Variants in PAPPA2 observed in about 807,000 individuals in gnomAD.
PAPPA2 encodes the protein pappalysin 2.
PAPPA2 carries 86 observed loss-of-function variants against 176.4 expected under a neutral mutation model. The observed-to-expected ratio is 0.49, with a 90% CI of 0.41 to 0.58. The LOEUF (loss-of-function observed/expected upper bound fraction) is 0.58. Ranked by LOEUF, PAPPA2 falls within the 20% of genes least tolerant of loss-of-function variation. The pLI, the probability that PAPPA2 is intolerant of heterozygous loss-of-function variation, is 0.00. For synonymous variants in PAPPA2, 809 were observed against 852.2 expected (o/e 0.95, Z 0.88); for missense variants, 2,073 against 2,256.9 (o/e 0.92, Z 1.65).
At chr1:176,489,541 G>C (rs1186963106) in intron 1 of PAPPA2, among the ~76,000 whole-genome samples, 3 of 152,322 alleles carry the variant, frequency 2.0e-5, no homozygotes, top group Non-Finnish European at 4.4e-5. Flanking sequence ...ATCTGCAGCA[G>C]CTGTCCATAT....
At chr1:176,493,842 T>A (rs1647443550) in intron 1 of PAPPA2, among the ~76,000 whole-genome samples, 2 of 152,162 alleles carry the variant, frequency 1.3e-5, no homozygotes, top group Non-Finnish European at 2.9e-5. Flanking sequence ...AAATCCTACT[T>A]CTCTGGACTC....
At chr1:176,756,928 A>G (rs1272464978) in intron 14 of PAPPA2, among the ~76,000 whole-genome samples, 1 of 151,694 alleles carries the variant, frequency 6.6e-6, no homozygotes, top group Non-Finnish European at 1.5e-5. Context: ...TCATTGTTCG[A>G]CTCCCACTTA....
chr1:176,580,734 A>G (rs1387690555), intron 2 of PAPPA2, among the ~76,000 whole-genome samples: 1 of 152,178 alleles, frequency 6.6e-6, no homozygotes, highest in Non-Finnish European at 1.5e-5. Flanking sequence ...ATAATTAATA[A>G]TGTTGAGCAG....
chr1:176,730,373 TC>T (rs1662080519), intron 12 of PAPPA2, among the ~76,000 whole-genome samples: 2 of 152,026 alleles, frequency 1.3e-5, no homozygotes, highest in African/African-American at 2.4e-5. Context: ...ATTAATTTCT[TC>T]CATATATGCA....
chr1:176,581,815 C>A (rs1652981235), intron 2 of PAPPA2, among the ~76,000 whole-genome samples: 1 of 151,028 alleles, frequency 6.6e-6, no homozygotes, highest in South Asian at 2.1e-4. Flanking sequence ...TTGTATCCTG[C>A]ACCTTTACTG....
At chr1:176,785,859 A>C (rs1270919996) in intron 17 of PAPPA2, among the ~76,000 whole-genome samples, 3 of 152,182 alleles carry the variant, frequency 2.0e-5, no homozygotes, top group African/African-American at 7.2e-5. Flanking sequence ...AGGGAAGACT[A>C]TTTCCATGGT....
chr1:176,643,007 C>T lies in PAPPA2; in HGVS notation c.1992-27963C>T, dbSNP rs1488654010. 2.0e-5 allele frequency among the ~76,000 whole-genome samples: 3 copies of T among 151,570 alleles called. No homozygotes were observed. In the East Asian group the frequency reaches 5.8e-4, roughly 30 times the overall value. On this transcript the variant is annotated intron_variant, in intron 3 of 22. Transcript: ENST00000367662. ...CCTTTTCTGGGTGTCAGTTTTTTTT[C>T]TATATGAGCATAAAAAACATATAAG...
chr1:176,724,007 A>G lies in PAPPA2; in HGVS notation c.3798+12026A>G, dbSNP rs149455900. On this transcript the variant is annotated intron_variant, in intron 12 of 22. Coordinates refer to ENST00000367662, the MANE Select transcript of PAPPA2 (RefSeq NM_020318.3). The stretch of plus-strand genomic sequence containing the variant: ...AGTGCTTTTTCTACATCACTCAAGA[A>G]TAAAATAATAAATCTGACGCTCACA... Among the ~76,000 whole-genome samples the G allele has an allele frequency of 3.9e-5, 6 of 152,324 alleles. No homozygotes were observed. In the East Asian group the frequency reaches 1.2e-3, roughly 29 times the overall value.
intron 11 of PAPPA2, 56 bp from the exon 12 acceptor site, chr1:176,711,779 C>A: frequency 6.5e-7 from 1 of 1,536,742 alleles, no homozygotes; most frequent in Non-Finnish European, 9.0e-7. Context: ...TTTCATTGTC[C>A]TTACTTATAT....
chr1:176,640,264 C>T (rs1488426110), intron 3 of PAPPA2, among the ~76,000 whole-genome samples: 4 of 150,802 alleles, frequency 2.7e-5, no homozygotes, highest in African/African-American at 4.9e-5. Flanking sequence ...CATATGTATA[C>T]GTGTGCCATG....
intron 21 of PAPPA2, among the ~76,000 whole-genome samples, chr1:176,837,123 CT>C (rs1485650589): frequency 6.6e-6 from 1 of 152,136 alleles, no homozygotes; most frequent in Non-Finnish European, 1.5e-5. Context: ...ACAGTCTTTC[CT>C]TTTCGTATTC....
At chr1:176,728,262 T>C (rs1571236357) in intron 12 of PAPPA2, among the ~76,000 whole-genome samples, 2 of 151,800 alleles carry the variant, frequency 1.3e-5, no homozygotes, top group Non-Finnish European at 3.0e-5. Context: ...ATAAAAGAAG[T>C]TAAACATAAA....
intron 8 of PAPPA2, among the ~76,000 whole-genome samples, chr1:176,700,089 C>T (rs1454433177): frequency 1.3e-5 from 2 of 152,160 alleles, no homozygotes; most frequent in Non-Finnish European, 2.9e-5. Context: ...CTCATTTTCC[C>T]CCCTCACACC....
chr1:176,472,919 A>G (rs987349708), intron 1 of PAPPA2, among the ~76,000 whole-genome samples: 3 of 152,164 alleles, frequency 2.0e-5, no homozygotes, highest in African/African-American at 4.8e-5. Context: ...CACAAGGCAC[A>G]GAGATTTCCT....
chr1:176,530,463 C>T (rs928039130), intron 1 of PAPPA2, among the ~76,000 whole-genome samples: 42 of 152,324 alleles, frequency 2.8e-4, no homozygotes, highest in Admixed American at 2.3e-3. Context: ...CTCCAGAAGT[C>T]AGCATCCCAT....
intron 21 of PAPPA2, among the ~76,000 whole-genome samples, chr1:176,822,242 A>T (rs899526279): frequency 1.3e-5 from 2 of 152,068 alleles, no homozygotes; most frequent in African/African-American, 2.4e-5. Context: ...GTCACCTCCT[A>T]GTTGATTGTT....
chr1:176,716,420 A>G (rs1460515585), intron 12 of PAPPA2, among the ~76,000 whole-genome samples: 1 of 147,124 alleles, frequency 6.8e-6, no homozygotes, highest in African/African-American at 2.5e-5. Context: ...TAATTTTTGT[A>G]TTTTTAGTAG....
At chr1:176,657,721 G>C (rs192268980) in intron 3 of PAPPA2, among the ~76,000 whole-genome samples, 1 of 152,072 alleles carries the variant, frequency 6.6e-6, no homozygotes, top group East Asian at 1.9e-4. Flanking sequence ...TTAGGCCTGT[G>C]TGATAATCAA....
At position 176,740,088 on chromosome 1, in the gene PAPPA2, C is replaced by T. The variant is rs1662604334; in HGVS notation, c.4043C>T (p.Pro1348Leu). 3 of 1,613,800 alleles carry T rather than the reference C, an allele frequency of 1.9e-6. No homozygotes were observed. Among genetic ancestry groups the T allele is most frequent in the South Asian group, 2.2e-5 (2 of 91,086 alleles). Reference protein sequence around the residue: ...TTSVLLNFSSPRVGISAVALR... With the variant: ...TTSVLLNFSSLRVGISAVALR... The stretch of plus-strand genomic sequence containing the variant: ...TCAGTGCTGCTGAATTTCTCATCCC[C>T]ACGGGTCGGCATCTCAGCTGTGGCT... Residue 1348 changes from proline (P) to leucine (L), a missense_variant, in exon 14 of 23, where the codon CCA (proline) becomes CTA (leucine). By Grantham distance (98) the Pro-to-Leu change is moderately conservative. Around this residue, in one of 4 missense-constraint regions of PAPPA2, gnomAD observed 846 missense variants for 857.9 expected, o/e 0.99. Coordinates refer to ENST00000367662, the MANE Select transcript of PAPPA2 (RefSeq NM_020318.3).
Sources: allele counts gnomAD v4.1 joint callset (sites outside exome capture counted in the v4.1 genomes callset), GRCh38; gene constraint gnomAD v4.1.1; regional missense constraint gnomAD v4.1.1; transcripts MANE v1.5; gene names NCBI Gene and HGNC (gene_info 2026-07-23, HGNC 2026-07-21).